The following PDE4D variants were observed in gnomAD, a reference collection of about 807,000 sequenced individuals.
PDE4D encodes phosphodiesterase 4D.
In PDE4D, 24 loss-of-function variants were observed where a neutral mutation model predicts 87.4. That is an observed-to-expected ratio of 0.27 (90% CI 0.20 to 0.39). The LOEUF is 0.39. Ranked by LOEUF, PDE4D falls within the 10% of genes least tolerant of loss-of-function variation. The probability of loss-of-function intolerance (pLI) is 1.00; values close to 1 mark genes in which losing one functional copy is unlikely to be tolerated. For missense variants in PDE4D, 714 were observed against 1,041.0 expected (o/e 0.69, Z 4.32); for synonymous variants, 384 against 383.2 (o/e 1.00, Z -0.02).
intron 2 of PDE4D, among the ~76,000 whole-genome samples, chr5:60,182,812 G>A (rs560128841): frequency 4.5e-4 from 68 of 151,902 alleles, no homozygotes; most frequent in African/African-American, 1.5e-3. Flanking sequence ...CCAGGGAGGC[G>A]GAGCTTGCAG....
intron 1 of PDE4D, among the ~76,000 whole-genome samples, chr5:59,393,137 C>G (rs1788574918): frequency 1.3e-5 from 2 of 151,878 alleles, no homozygotes; most frequent in African/African-American, 4.8e-5. Flanking sequence ...AAAGAGTCAA[C>G]CTAGGACAAA....
At chr5:60,281,398 A>T (rs1751883241) in intron 1 of PDE4D, among the ~76,000 whole-genome samples, 1 of 152,246 alleles carries the variant, frequency 6.6e-6, no homozygotes, top group Non-Finnish European at 1.5e-5. Flanking sequence ...CAGAAATTAC[A>T]ATAATCCTTT....
chr5:59,546,181 C>T (rs1817232624), intron 1 of PDE4D, among the ~76,000 whole-genome samples: 1 of 151,946 alleles, frequency 6.6e-6, no homozygotes, highest in Non-Finnish European at 1.5e-5. Flanking sequence ...TTTAGGAGCT[C>T]ATAGAAATGT....
At chr5:59,181,572 T>TATATATATATATA (rs1561646442) in intron 4 of PDE4D, among the ~76,000 whole-genome samples, 6 of 109,922 alleles carry the variant, frequency 5.5e-5, no homozygotes, top group South Asian at 2.9e-4. Flanking sequence ...ATATATATAT[T>TATATATATATATA]AGGTATATAA....
chr5:59,506,975 C>T (rs1261635147), intron 1 of PDE4D, among the ~76,000 whole-genome samples: 2 of 152,064 alleles, frequency 1.3e-5, no homozygotes, highest in Non-Finnish European at 2.9e-5. Flanking sequence ...AAGATGTATA[C>T]AGTAATGTTC....
chr5:59,360,096 T>C (rs978405748), intron 1 of PDE4D, among the ~76,000 whole-genome samples: 2 of 152,168 alleles, frequency 1.3e-5, no homozygotes, highest in African/African-American at 4.8e-5. Context: ...AATTTGGGTT[T>C]CGGTGTCTGA....
At chr5:60,178,918 G>A (rs151032295) in intron 2 of PDE4D, among the ~76,000 whole-genome samples, 5 of 152,228 alleles carry the variant, frequency 3.3e-5, no homozygotes, top group African/African-American at 1.2e-4. Context: ...TCCGTGGGAT[G>A]TAACTGTCAT....
intron 1 of PDE4D, among the ~76,000 whole-genome samples, chr5:60,262,001 C>T (rs1749693673): frequency 6.6e-6 from 1 of 152,222 alleles, no homozygotes; most frequent in African/African-American, 2.4e-5. Context: ...TACTTGAGAA[C>T]TTACCCCCAA....
intron 1 of PDE4D, among the ~76,000 whole-genome samples, chr5:59,836,978 A>G (rs1045736671): frequency 3.3e-5 from 5 of 151,854 alleles, no homozygotes; most frequent in African/African-American, 7.3e-5. Context: ...AGGTTCATCT[A>G]TCATAACGTC....
At chr5:60,025,477 G>C (rs187638738) in intron 2 of PDE4D, among the ~76,000 whole-genome samples, 18 of 152,130 alleles carry the variant, frequency 1.2e-4, no homozygotes, top group Admixed American at 3.9e-4. Flanking sequence ...AAAGTGTTTT[G>C]CATTTACCAA....
intron 5 of PDE4D, among the ~76,000 whole-genome samples, chr5:59,147,401 T>TA (rs574809560): frequency 1.5e-4 from 23 of 152,110 alleles, no homozygotes; most frequent in African/African-American, 2.7e-4. Context: ...AGATTTTTTT[T>TA]AAAAAAAACC....
Position 60,513,411 on chromosome 5 carries a change from C to T in PDE4D, n.70+8640G>A, listed in dbSNP as rs79456813. On this transcript the variant is annotated intron_variant and non_coding_transcript_variant, in intron 1 of 2. Coordinates refer to the PDE4D transcript ENST00000506510. ...ATAATAATTTTAAAAGTATATGCTCCTAATAACAGAGGCTTAAATTATTTA... is the reference window on the plus strand; with the variant it reads ...ATAATAATTTTAAAAGTATATGCTCTTAATAACAGAGGCTTAAATTATTTA... Among the ~76,000 whole-genome samples the T allele has an allele frequency of 1.6e-3, 236 of 152,104 alleles. 3 individuals carry two copies. Among genetic ancestry groups the T allele is most frequent in the Admixed American group, 0.011 (171 of 15,274 alleles).
chr5:59,026,546 G>A (rs1334814431), intron 6 of PDE4D, among the ~76,000 whole-genome samples: 3 of 152,038 alleles, frequency 2.0e-5, no homozygotes, highest in Admixed American at 1.3e-4. Context: ...TCACTGGGTT[G>A]GGCTAAAAAC....
At chr5:59,861,283 TA>T (rs1180653897) in intron 1 of PDE4D, among the ~76,000 whole-genome samples, 1 of 152,156 alleles carries the variant, frequency 6.6e-6, no homozygotes, top group Non-Finnish European at 1.5e-5. Flanking sequence ...TAAGAATCAA[TA>T]AGCCTAATTT....
At chr5:60,244,273 T>C (rs182226472) in intron 1 of PDE4D, among the ~76,000 whole-genome samples, 1 of 151,822 alleles carries the variant, frequency 6.6e-6, no homozygotes, top group Non-Finnish European at 1.5e-5. Context: ...ATGAAAACTA[T>C]AAAACACTGG....
chr5:60,013,636 G>A (rs1186963652), intron 2 of PDE4D, among the ~76,000 whole-genome samples: 1 of 152,128 alleles, frequency 6.6e-6, no homozygotes, highest in Non-Finnish European at 1.5e-5. Flanking sequence ...TTTCTGTCCA[G>A]CTACCAAACT....
chr5:60,270,595 A>C (rs1426515843), intron 1 of PDE4D, among the ~76,000 whole-genome samples: 1 of 152,154 alleles, frequency 6.6e-6, no homozygotes, highest in African/African-American at 2.4e-5. Context: ...ACCTATGGGA[A>C]AAAGAAAAGT....
At chr5:59,669,381 G>T (rs550862791) in intron 1 of PDE4D, among the ~76,000 whole-genome samples, 1 of 152,186 alleles carries the variant, frequency 6.6e-6, no homozygotes, top group Admixed American at 6.5e-5. Flanking sequence ...CAAAATGCTG[G>T]GATTACAGGC....
intron 5 of PDE4D, among the ~76,000 whole-genome samples, chr5:59,145,366 A>G (rs1778482771): frequency 6.6e-6 from 1 of 152,148 alleles, no homozygotes; most frequent in African/African-American, 2.4e-5. Context: ...GCTTCTCTGG[A>G]ATTTTGCATA....
Sources: allele counts gnomAD v4.1 joint callset (sites outside exome capture counted in the v4.1 genomes callset), GRCh38; gene constraint gnomAD v4.1.1; transcripts MANE v1.5; gene names NCBI Gene and HGNC (gene_info 2026-07-23, HGNC 2026-07-21).